MGAT3: variants seen among roughly 807,000 people sequenced by gnomAD.
MGAT3 encodes the protein GlcNAc-T III.
MGAT3 carries 9 observed loss-of-function variants against 29.8 expected under a neutral mutation model. That is an observed-to-expected ratio of 0.30 (90% CI 0.18 to 0.53). The LOEUF is 0.53. Ranked by LOEUF, MGAT3 falls within the 20% of genes least tolerant of loss-of-function variation. The probability of loss-of-function intolerance (pLI) is 0.96; values close to 1 mark genes in which losing one functional copy is unlikely to be tolerated. For synonymous variants in MGAT3, 397 were observed against 348.9 expected, an observed-to-expected ratio of 1.14 and a Z score of -1.54; for missense variants, 557 against 769.5, an observed-to-expected ratio of 0.72 and a Z score of 3.27.
At chr22:39,469,638 C>A (rs1928752190) in intron 1 of MGAT3, among the ~76,000 whole-genome samples, 1 of 152,236 alleles carries the variant, frequency 6.6e-6, no homozygotes, top group Admixed American at 6.5e-5. Context: ...CCACCCGGGG[C>A]ACAATGCCTG....
In MGAT3 at chr22:39,490,343, C is replaced by T. The variant is rs1376421394; in HGVS notation, c.*1394C>T. ...GGCCTCTCATTGGCTGGGACTCAGT[C>T]ACATGGCCACAAGCAGCTGCTAGGG... is the stretch of plus-strand genomic sequence containing the variant. On this transcript the variant is annotated 3_prime_UTR_variant, in exon 2 of 2. Coordinates refer to ENST00000341184, the MANE Select transcript of MGAT3 (RefSeq NM_002409.5). 6.0e-6 allele frequency: 1 copy of T among 167,102 alleles called. No individual in the cohort carries two copies. Among genetic ancestry groups the T allele is most frequent in the Non-Finnish European group, 1.5e-5 (1 of 68,138 alleles). 10.4% of individuals were successfully genotyped at this position (167,102 alleles called of 1,614,324 possible).
intron 1 of MGAT3, chr22:39,486,144 ATTTTT>A (rs34708754): frequency 2.3e-4 from 84 of 363,890 alleles, no homozygotes; most frequent in Admixed American, 4.6e-4. Flanking sequence ...TAGACCTCAA[ATTTTT>A]TTTTTTTTTT....
At chr22:39,465,301 C>T (rs1928609222) in intron 1 of MGAT3, among the ~76,000 whole-genome samples, 1 of 152,190 alleles carries the variant, frequency 6.6e-6, no homozygotes, top group African/African-American at 2.4e-5. Context: ...CCCAGGGCCC[C>T]AGACGTTAAG....
In MGAT3 at chr22:39,457,997, T is replaced by G. The variant is rs535691123; in HGVS notation, c.-2+440T>G. Among the ~76,000 whole-genome samples, 1 of 152,018 alleles carries G rather than the reference T, an allele frequency of 6.6e-6. No individual in the cohort carries two copies. Among genetic ancestry groups the G allele is most frequent in the Non-Finnish European group, 1.5e-5 (1 of 67,926 alleles). On this transcript the variant is annotated intron_variant, in intron 1 of 1. Coordinates refer to ENST00000341184, the MANE Select transcript of MGAT3 (RefSeq NM_002409.5). The surrounding 1 kb of genome is among the most constrained non-coding windows in gnomAD (Gnocchi z 6.8). ...GCCTTCCCCACCCCCGACCCCAGAC[T>G]GCGGCGGCGGCAGCCGAGGCCCAAG...
chr22:39,457,498 G>C lies in MGAT3; in HGVS notation c.-61G>C, dbSNP rs1324255789. On this transcript the variant is annotated 5_prime_UTR_variant, in exon 1 of 2. Transcript: ENST00000341184. This position sits in a 1 kb window ranked among gnomAD's most constrained non-coding sequence, Gnocchi z 6.8. ...CAGCATCTCCCCGCCGGGGACCCCG[G>C]GGGCCGCGGAGCCGCCGCCGCCGCT... The C allele has an allele frequency of 6.7e-6, 1 of 149,372 alleles. No individual in the cohort carries two copies. The highest frequency in any genetic ancestry group is 1.5e-5 in the Non-Finnish European group (1 of 66,680). The allele number at this position is 149,372 out of a possible 1,614,324, so 9.3% of individuals were successfully genotyped here. A position where few individuals can be genotyped will look rare whatever the true frequency, so the allele number is the denominator to read the frequency against.
chr22:39,480,342 G>A (rs906791824), intron 1 of MGAT3, among the ~76,000 whole-genome samples: 2 of 152,228 alleles, frequency 1.3e-5, no homozygotes, highest in Non-Finnish European at 2.9e-5. Flanking sequence ...AGGGCGCCCA[G>A]CCCAGGGAAG....
At chr22:39,458,428 C>T (rs952291063) in intron 1 of MGAT3, among the ~76,000 whole-genome samples, 40 of 152,208 alleles carry the variant, frequency 2.6e-4, no homozygotes, top group African/African-American at 9.6e-4. Context: ...CCACTTCATT[C>T]CTGGGACACA....
intron 1 of MGAT3, among the ~76,000 whole-genome samples, chr22:39,475,128 CTTTTTTT>C (rs58543840): frequency 3.4e-5 from 4 of 118,766 alleles, no homozygotes; most frequent in East Asian, 2.3e-4. Flanking sequence ...GCTTGCCAGG[CTTTTTTT>C]TTTTTTTTTT....
intron 1 of MGAT3, among the ~76,000 whole-genome samples, chr22:39,462,363 G>T (rs1928523362): frequency 6.6e-6 from 1 of 152,222 alleles, no homozygotes; most frequent in South Asian, 2.1e-4. Flanking sequence ...TACTGAGGAG[G>T]CCCTCAGTTA....
intron 1 of MGAT3, among the ~76,000 whole-genome samples, chr22:39,461,321 G>A (rs780720049): frequency 6.6e-6 from 1 of 152,158 alleles, no homozygotes; most frequent in South Asian, 2.1e-4. Context: ...GGGCTTTCAG[G>A]GGGAGGCATG....
intron 1 of MGAT3, among the ~76,000 whole-genome samples, chr22:39,460,022 A>G (rs1402633454): frequency 6.6e-6 from 1 of 152,218 alleles, no homozygotes; most frequent in Non-Finnish European, 1.5e-5. Context: ...TGGGAAGACT[A>G]CATAAGCAGT....
intron 1 of MGAT3, among the ~76,000 whole-genome samples, chr22:39,464,151 A>C (rs907917945): frequency 6.6e-6 from 1 of 152,124 alleles, no homozygotes; most frequent in African/African-American, 2.4e-5. Context: ...TCATCCTAGC[A>C]CTTGCTGCCT....
At chr22:39,479,828 G>A (rs1389785943) in intron 1 of MGAT3, among the ~76,000 whole-genome samples, 1 of 152,194 alleles carries the variant, frequency 6.6e-6, no homozygotes, top group Non-Finnish European at 1.5e-5. Context: ...GGAGGCCCAG[G>A]GCAGTGCGGG....
Position 39,488,490 on chromosome 22 carries a change from G to C in MGAT3, c.1143G>C (p.Leu381=). ...TGTATGGGCTGGACGGCATCCGCCT[G>C]CGCCGCCGCCAGTACTACACCATGC... ...QAVYGLDGIR[L]RRRQYYTMPN... is the part of the protein sequence containing the mutation. Residue 381 remains leucine (L), a synonymous_variant, in exon 2 of 2, where the codon CTG becomes CTC. Coordinates refer to ENST00000341184, the MANE Select transcript of MGAT3 (RefSeq NM_002409.5). 1 of 1,612,900 alleles carries C rather than the reference G, an allele frequency of 6.2e-7. No homozygotes were observed. Among genetic ancestry groups the C allele is most frequent in the Non-Finnish European group, 8.5e-7 (1 of 1,179,996 alleles).
chr22:39,488,008 C>T lies in MGAT3; in HGVS notation c.661C>T (p.Leu221=), dbSNP rs1419826413. 1.2e-6 allele frequency: 2 copies of T among 1,613,212 alleles called. No homozygotes were observed. The highest frequency in any genetic ancestry group is 1.1e-5 in the South Asian group (1 of 91,080). Residue 221 remains leucine (L), a synonymous_variant, in exon 2 of 2, where the codon CTG becomes TTG. Coordinates refer to ENST00000341184, the MANE Select transcript of MGAT3 (RefSeq NM_002409.5). The part of the protein sequence containing the change: ...AINVNHEFDL[L]DVRFHELGDV... ...CAACGTCAACCACGAGTTCGACCTGCTGGACGTGCGCTTCCACGAGCTGGG... is the reference window on the plus strand; with the variant it reads ...CAACGTCAACCACGAGTTCGACCTGTTGGACGTGCGCTTCCACGAGCTGGG...
chr22:39,482,511 G>A (rs192086502), intron 1 of MGAT3, among the ~76,000 whole-genome samples: 1 of 152,304 alleles, frequency 6.6e-6, no homozygotes, highest in East Asian at 1.9e-4. Context: ...CCATCTTTCT[G>A]AGTCTCGTTT....
chr22:39,475,627 T>C (rs1337641854), intron 1 of MGAT3, among the ~76,000 whole-genome samples: 2 of 152,192 alleles, frequency 1.3e-5, no homozygotes, highest in African/African-American at 4.8e-5. Context: ...TCTCTCAGGC[T>C]TGGCGCCCTG....
chr22:39,485,743 C>T (rs1929253077), intron 1 of MGAT3, among the ~76,000 whole-genome samples: 2 of 152,018 alleles, frequency 1.3e-5, no homozygotes, highest in South Asian at 2.1e-4. Context: ...GAGCAGAGAT[C>T]GCACCACTGC....
In MGAT3 at chr22:39,463,284, G is replaced by A. The variant is rs558877515; in HGVS notation, c.-2+5727G>A. On this transcript the variant is annotated intron_variant, in intron 1 of 1. Coordinates refer to ENST00000341184, the MANE Select transcript of MGAT3 (RefSeq NM_002409.5). Reference sequence around the variant, plus strand: ...GTTTGGCACTTTGAGGGTACCCAGAGTTGGGGGTCCACAGCTGGGAAGTGG... The same window carrying A: ...GTTTGGCACTTTGAGGGTACCCAGAATTGGGGGTCCACAGCTGGGAAGTGG... 2.6e-5 allele frequency among the ~76,000 whole-genome samples: 4 copies of A among 152,362 alleles called. No individual in the cohort carries two copies. In the South Asian group the frequency reaches 8.3e-4, roughly 32 times the overall value.
Sources: allele counts gnomAD v4.1 joint callset (sites outside exome capture counted in the v4.1 genomes callset), GRCh38; gene constraint gnomAD v4.1.1; non-coding constraint Gnocchi (gnomAD v3.1); transcripts MANE v1.5; gene names NCBI Gene and HGNC (gene_info 2026-07-23, HGNC 2026-07-21).